The following FRMD4B variants were observed in gnomAD, a reference collection of about 807,000 sequenced individuals.
FRMD4B encodes the protein FERM domain-containing protein 4B.
In FRMD4B, 74 loss-of-function variants were observed where a neutral mutation model predicts 141.5. The observed-to-expected ratio is 0.52, with a 90% CI of 0.43 to 0.63. The LOEUF is 0.63. Among genes scored for constraint, FRMD4B ranks in the 30% least tolerant of loss-of-function variants. FRMD4B has a pLI of 0.00. For synonymous variants in FRMD4B, 506 were observed against 467.9 expected, an observed-to-expected ratio of 1.08 and a Z score of -1.05; for missense variants, 1,366 against 1,253.4, an observed-to-expected ratio of 1.09 and a Z score of -1.36.
chr3:69,520,630 G>A (rs1395305432), intron 1 of FRMD4B, among the ~76,000 whole-genome samples: 2 of 151,782 alleles, frequency 1.3e-5, no homozygotes, highest in Non-Finnish European at 2.9e-5. Flanking sequence ...TGGCCAAAAG[G>A]GGACAAGAGC....
chr3:69,494,501 G>A (rs1487430047), intron 1 of FRMD4B, among the ~76,000 whole-genome samples: 2 of 152,208 alleles, frequency 1.3e-5, no homozygotes, highest in East Asian at 1.9e-4. Flanking sequence ...CCTCAAGTAA[G>A]CAACTGATAA....
chr3:69,343,733 C>T (rs764885708), intron 1 of FRMD4B, among the ~76,000 whole-genome samples: 4 of 151,938 alleles, frequency 2.6e-5, no homozygotes, highest in Non-Finnish European at 4.4e-5. Context: ...GTGTGTGCCA[C>T]CATACCTGGC....
intron 1 of FRMD4B, among the ~76,000 whole-genome samples, chr3:69,479,075 C>T (rs1706064806): frequency 7.4e-6 from 1 of 134,370 alleles, no homozygotes; most frequent in Non-Finnish European, 1.6e-5. Flanking sequence ...CTTCCTCCAT[C>T]CTTTTATTTT....
chr3:69,363,249 T>TG (rs3032166), intron 1 of FRMD4B, among the ~76,000 whole-genome samples: 1 of 306 alleles, frequency 3.3e-3, no homozygotes, highest in South Asian at 0.1. Context: ...TTTTACCATG[T>TG]TTTTTTTTTT....
At chr3:69,391,291 C>A (rs1001560121) in intron 2 of FRMD4B, among the ~76,000 whole-genome samples, 1 of 151,376 alleles carries the variant, frequency 6.6e-6, no homozygotes, top group Non-Finnish European at 1.5e-5. Context: ...GGTACACGTG[C>A]ACAATGTGCA....
chr3:69,355,912 C>A (rs560898182), intron 1 of FRMD4B, among the ~76,000 whole-genome samples: 38 of 152,238 alleles, frequency 2.5e-4, no homozygotes, highest in Non-Finnish European at 4.4e-4. Flanking sequence ...GTATTCCCAG[C>A]TACTCGGGAG....
intron 2 of FRMD4B, among the ~76,000 whole-genome samples, chr3:69,423,827 G>A (rs978148724): frequency 1.3e-5 from 2 of 152,132 alleles, no homozygotes; most frequent in Non-Finnish European, 2.9e-5. Context: ...GGACTGTCAA[G>A]TGGTATTAGC....
At chr3:69,510,666 T>G (rs1480741072) in intron 1 of FRMD4B, among the ~76,000 whole-genome samples, 1 of 152,176 alleles carries the variant, frequency 6.6e-6, no homozygotes, top group Non-Finnish European at 1.5e-5. Context: ...GCCAAAGGTG[T>G]TGATGACCAC....
At chr3:69,331,563 C>G (rs1456458309) in intron 1 of FRMD4B, among the ~76,000 whole-genome samples, 1 of 152,126 alleles carries the variant, frequency 6.6e-6, no homozygotes, top group African/African-American at 2.4e-5. Flanking sequence ...AGAGCACAGA[C>G]TTGGACTTAA....
At chr3:69,484,324 C>T (rs1268467558) in intron 1 of FRMD4B, among the ~76,000 whole-genome samples, 1 of 152,182 alleles carries the variant, frequency 6.6e-6, no homozygotes, top group Non-Finnish European at 1.5e-5. Flanking sequence ...TTACAAGACA[C>T]AATGCATTCT....
At chr3:69,203,661 C>T (rs2092994889) in intron 11 of FRMD4B, among the ~76,000 whole-genome samples, 2 of 152,144 alleles carry the variant, frequency 1.3e-5, no homozygotes, top group African/African-American at 4.8e-5. Context: ...TCAGTGTCTG[C>T]ATCTGTAAAA....
At chr3:69,420,412 C>T (rs1704955192) in intron 2 of FRMD4B, among the ~76,000 whole-genome samples, 1 of 152,034 alleles carries the variant, frequency 6.6e-6, no homozygotes, top group African/African-American at 2.4e-5. Context: ...CACCAATAGC[C>T]CTACAAAGTA....
rs1211220204 is a variant in FRMD4B at position 69,170,444 on chromosome 3, C to T, written c.*1417G>A. ...CTTTTTTCCAAAATTTTTTCCCAAA[C>T]TTCATTTCTAATTATACAAATGACT... On this transcript the variant is annotated 3_prime_UTR_variant, in exon 23 of 23. Coordinates refer to ENST00000398540, the MANE Select transcript of FRMD4B (RefSeq NM_015123.3). 1 of 151,592 alleles carries T rather than the reference C, an allele frequency of 6.6e-6. No individual in the cohort carries two copies. Among genetic ancestry groups the T allele is most frequent in the African/African-American group, 2.4e-5 (1 of 41,238 alleles). 9.4% of individuals were successfully genotyped at this position (151,592 alleles called of 1,614,324 possible). A position where few individuals can be genotyped will look rare whatever the true frequency, so the allele number is the denominator to read the frequency against.
intron 7 of FRMD4B, among the ~76,000 whole-genome samples, chr3:69,244,817 C>A (rs1317209220): frequency 6.6e-6 from 1 of 152,136 alleles, no homozygotes; most frequent in Non-Finnish European, 1.5e-5. Context: ...CTGCTTGAAC[C>A]CAGGAGGTGG....
intron 18 of FRMD4B, among the ~76,000 whole-genome samples, 189 bp from the exon 19 acceptor site, chr3:69,188,106 G>A (rs982722609): frequency 1.3e-5 from 2 of 152,202 alleles, no homozygotes; most frequent in Admixed American, 6.5e-5. Flanking sequence ...CAGAAAAAAC[G>A]AAAATACTGA....
At position 69,196,343 on chromosome 3, in the gene FRMD4B, C is replaced by G. The variant is rs1320527885; in HGVS notation, c.1146G>C (p.Glu382Asp). 2 of 1,611,666 alleles carry G rather than the reference C, an allele frequency of 1.2e-6. No homozygotes were observed. The highest frequency in any genetic ancestry group is 2.7e-5 in the African/African-American group (2 of 74,838). The change falls in exon 14 of 23, where the codon GAG becomes GAC. Residue 382 changes from glutamate to aspartate, a missense_variant. Coordinates refer to ENST00000398540, the MANE Select transcript of FRMD4B (RefSeq NM_015123.3). ...GCTTGGAGGCCCTTTGTGTTCCTGT[C>G]TCTGTCAAATCCATTGCAATCTCAT... is the stretch of plus-strand genomic sequence containing the variant. ...SLDEIAMDLT[E>D]TGTQRASKLV...
chr3:69,353,381 C>A (rs1468410172), intron 1 of FRMD4B, among the ~76,000 whole-genome samples: 1 of 152,122 alleles, frequency 6.6e-6, no homozygotes, highest in African/African-American at 2.4e-5. Flanking sequence ...TTGTAATTTC[C>A]TTTTCTGCAA....
chr3:69,181,629 G>A lies in FRMD4B; in HGVS notation c.2121C>T (p.Ser707=), dbSNP rs756802830. Residue 707 remains serine, a synonymous_variant, in exon 21 of 23, where the codon AGC becomes AGT. Transcript: ENST00000398540. ...TGGAGAGGGAGAAAAATGGCTTATC[G>A]CTGTCCATCTCGGAGAGCAGGTGGG... ...SQSHLLSEMD[S]DKPFFSLSKS... 1.3e-5 allele frequency: 21 copies of A among 1,612,924 alleles called. No individual in the cohort carries two copies. The highest frequency in any genetic ancestry group is 1.6e-4 in the Middle Eastern group (1 of 6,082).
At chr3:69,469,327 T>A (rs1705848483) in intron 1 of FRMD4B, among the ~76,000 whole-genome samples, 1 of 152,212 alleles carries the variant, frequency 6.6e-6, no homozygotes. Flanking sequence ...TTGGTTCAAC[T>A]GACTCTTTAA....
Sources: allele counts gnomAD v4.1 joint callset (sites outside exome capture counted in the v4.1 genomes callset), GRCh38; gene constraint gnomAD v4.1.1; transcripts MANE v1.5; gene names NCBI Gene and HGNC (gene_info 2026-07-23, HGNC 2026-07-21).